PDGFRL: variants seen among roughly 807,000 people sequenced by gnomAD.
PDGFRL encodes the protein platelet derived growth factor receptor like.
PDGFRL carries 46 observed loss-of-function variants against 37.2 expected under a neutral mutation model. The observed-to-expected ratio is 1.24, with a 90% CI of 0.98 to 1.58. The LOEUF is 1.58. Ranked by LOEUF, PDGFRL falls within the 40% of genes most tolerant of loss-of-function variation. The pLI is 0.00. For synonymous variants in PDGFRL, 251 were observed against 184.3 expected, an observed-to-expected ratio of 1.36 and a Z score of -2.93; for missense variants, 692 against 467.6, an observed-to-expected ratio of 1.48 and a Z score of -4.43.
chr8:17,597,817 G>A (rs888765469), intron 2 of PDGFRL, among the ~76,000 whole-genome samples: 1 of 152,058 alleles, frequency 6.6e-6, no homozygotes, highest in East Asian at 1.9e-4. Context: ...GGTCTCTAAG[G>A]ACCCACTCAA....
At chr8:17,603,921 G>C (rs753626434) in intron 2 of PDGFRL, among the ~76,000 whole-genome samples, 11 of 152,152 alleles carry the variant, frequency 7.2e-5, no homozygotes, top group Non-Finnish European at 1.6e-4. Context: ...AGTGTTTGAA[G>C]GAAGTACCTA....
At chr8:17,642,488 T>TAAAC in intron 5 of PDGFRL, 125 bp from the exon 6 acceptor site, 3 of 672,340 alleles carry the variant, frequency 4.5e-6, no homozygotes, top group East Asian at 5.4e-5. Context: ...CTACGCATAC[T>TAAAC]AAACAGTCTT....
chr8:17,584,791 A>G (rs1803781043), intron 1 of PDGFRL, among the ~76,000 whole-genome samples: 1 of 152,008 alleles, frequency 6.6e-6, no homozygotes, highest in Non-Finnish European at 1.5e-5. Context: ...AGACCGCAAG[A>G]AAAAGTTCTT....
intron 4 of PDGFRL, among the ~76,000 whole-genome samples, chr8:17,632,625 C>G (rs1238787160): frequency 1.3e-5 from 2 of 152,238 alleles, no homozygotes; most frequent in East Asian, 3.9e-4. Context: ...GAGTGAGCCA[C>G]TGTGCCCGTT....
At chr8:17,636,146 T>C (rs1261356870) in intron 5 of PDGFRL, among the ~76,000 whole-genome samples, 1 of 152,236 alleles carries the variant, frequency 6.6e-6, no homozygotes, top group Non-Finnish European at 1.5e-5. Context: ...TCTTTGTTTT[T>C]GTTGCATTTG....
chr8:17,601,488 T>G (rs962471674), intron 2 of PDGFRL, among the ~76,000 whole-genome samples: 11 of 151,844 alleles, frequency 7.2e-5, no homozygotes, highest in African/African-American at 2.7e-4. Flanking sequence ...AACTTTTAGG[T>G]TGAGCGTGTA....
intron 2 of PDGFRL, chr8:17,596,361 C>T: frequency 3.3e-6 from 4 of 1,230,766 alleles, no homozygotes; most frequent in Non-Finnish European, 4.1e-6. Context: ...AACGCGCCCG[C>T]AGGACCGGCC....
intron 4 of PDGFRL, among the ~76,000 whole-genome samples, chr8:17,630,303 T>A (rs1274829839): frequency 6.6e-6 from 1 of 152,230 alleles, no homozygotes; most frequent in African/African-American, 2.4e-5. Context: ...TGGAACTACT[T>A]CTTTCAATGT....
Position 17,595,006 on chromosome 8 carries a change from T to G in PDGFRL, c.353+5241T>G, listed in dbSNP as rs1371853951. Among the ~76,000 whole-genome samples the G allele has an allele frequency of 9.0e-4, 3 of 3,344 alleles. No homozygotes were observed. In the Non-Finnish European group the frequency reaches 0.039, roughly 44 times the overall value. The allele number at this position is 3,344 out of a possible 152,430, so 2.2% of individuals were successfully genotyped here. A position where few individuals can be genotyped will look rare whatever the true frequency, so the allele number is the denominator to read the frequency against. ...CCGCAAGTGGGATTTACCACGTACA[T>G]TTTTTTTTTTTCCTGATGTACATCC... On this transcript the variant is annotated intron_variant, in intron 2 of 5. Coordinates refer to ENST00000251630, the MANE Select transcript of PDGFRL (RefSeq NM_001372073.1).
intron 2 of PDGFRL, among the ~76,000 whole-genome samples, chr8:17,617,125 A>G (rs1804545879): frequency 6.6e-6 from 1 of 152,194 alleles, no homozygotes; most frequent in African/African-American, 2.4e-5. Context: ...AGCCATGCAC[A>G]CACATACACA....
chr8:17,591,348 A>G (rs896256673), intron 2 of PDGFRL, among the ~76,000 whole-genome samples: 9 of 152,244 alleles, frequency 5.9e-5, no homozygotes, highest in Non-Finnish European at 1.2e-4. Context: ...GTGAGAAGCA[A>G]GAAAGAAACA....
intron 5 of PDGFRL, among the ~76,000 whole-genome samples, chr8:17,639,155 A>C (rs1805041484): frequency 6.6e-6 from 1 of 151,984 alleles, no homozygotes; most frequent in South Asian, 2.1e-4. Flanking sequence ...TGTTAGTCCT[A>C]TTTGTTAGGT....
intron 2 of PDGFRL, among the ~76,000 whole-genome samples, chr8:17,593,836 C>T (rs567844906): frequency 2.7e-5 from 4 of 149,960 alleles, no homozygotes; most frequent in Admixed American, 6.7e-5. Flanking sequence ...TGTGGTGAGC[C>T]GAGATCGTGC....
chr8:17,605,163 A>AG (rs1804247247), intron 2 of PDGFRL, among the ~76,000 whole-genome samples: 1 of 152,054 alleles, frequency 6.6e-6, no homozygotes, highest in African/African-American at 2.4e-5. Flanking sequence ...GAGGGAAGGA[A>AG]GGAGGGAGAG....
intron 1 of PDGFRL, among the ~76,000 whole-genome samples, chr8:17,577,894 T>A (rs1803621415): frequency 6.6e-6 from 1 of 151,796 alleles, no homozygotes; most frequent in Non-Finnish European, 1.5e-5. Context: ...GCCCACGGCT[T>A]ATTATATTTA....
intron 2 of PDGFRL, chr8:17,596,338 G>A (rs1177238521): frequency 2.7e-5 from 33 of 1,237,916 alleles, no homozygotes; most frequent in Admixed American, 3.7e-5. Context: ...ACGTAACTCC[G>A]TGGGAAGAAG....
intron 5 of PDGFRL, among the ~76,000 whole-genome samples, chr8:17,638,084 A>C (rs536020762): frequency 6.6e-6 from 1 of 151,930 alleles, no homozygotes; most frequent in African/African-American, 2.4e-5. Flanking sequence ...TTGTTCTGCT[A>C]TGTTTGGGTT....
chr8:17,589,910 T>C (rs1352153773), intron 2 of PDGFRL, 145 bp downstream of exon 2: 4 of 609,336 alleles, frequency 6.6e-6, no homozygotes, highest in Admixed American at 6.4e-5. Flanking sequence ...AGGGCAAAAG[T>C]CACAGATTTT....
At chr8:17,595,629 C>A (rs114205954) in intron 2 of PDGFRL, among the ~76,000 whole-genome samples, 2 of 152,276 alleles carry the variant, frequency 1.3e-5, no homozygotes, top group South Asian at 2.1e-4. Context: ...CCTCAGAGCT[C>A]CCCTGTCCAA....
Sources: gnomAD v4.1 joint callset for allele counts (sites outside exome capture counted in the v4.1 genomes callset) on GRCh38, gnomAD v4.1.1 for gene constraint, MANE v1.5 for transcripts, NCBI Gene and HGNC (gene_info 2026-07-23, HGNC 2026-07-21) for gene names.